G3BP1: variants seen among roughly 807,000 people sequenced by gnomAD.
G3BP1 encodes ras GTPase-activating protein-binding protein 1.
Under a neutral mutation model 58.6 loss-of-function variants are expected in G3BP1, and 35 were observed. The ratio of observed to expected loss-of-function variants is 0.60; its 90% CI spans 0.46 to 0.79. The LOEUF is 0.79. Among genes scored for constraint, G3BP1 ranks in the 30% least tolerant of loss-of-function variants. The pLI is 0.00. For missense variants in G3BP1, 523 were observed against 580.8 expected, an observed-to-expected ratio of 0.90 and a Z score of 1.02; for synonymous variants, 191 against 195.4, an observed-to-expected ratio of 0.98 and a Z score of 0.19.
chr5:151,790,230 CAAA>C (rs372889235), intron 2 of G3BP1, 90 bp from the exon 3 acceptor site: 2,878 of 420,462 alleles, frequency 6.8e-3, no homozygotes, highest in Middle Eastern at 0.01. Flanking sequence ...GACCCCGTTG[CAAA>C]AAAAAAAAAA....
At chr5:151,799,134 C>T in intron 7 of G3BP1, 78 bp from the exon 8 acceptor site, 1 of 768,996 alleles carries the variant, frequency 1.3e-6, no homozygotes, top group Non-Finnish European at 2.4e-6. Context: ...TTGTTCTGTA[C>T]AGGAAATCAA....
chr5:151,811,101 A>G lies in G3BP1; in HGVS notation c.*7010A>G, dbSNP rs937693458. 2 of 152,154 alleles carry G rather than the reference A, an allele frequency of 1.3e-5. No individual in the cohort carries two copies. Among genetic ancestry groups the G allele is most frequent in the African/African-American group, 4.8e-5 (2 of 41,416 alleles). The allele number at this position is 152,154 out of a possible 1,614,324, so 9.4% of individuals were successfully genotyped here. Reference sequence around the variant, plus strand: ...TCTTCAGCTAAGTCCTGTCAGTTCTACCTCAAGTCTTTCCCGTCTTTCTTC... The same window carrying G: ...TCTTCAGCTAAGTCCTGTCAGTTCTGCCTCAAGTCTTTCCCGTCTTTCTTC... On this transcript the variant is annotated 3_prime_UTR_variant, in exon 12 of 12. Transcript: ENST00000356245.
intron 11 of G3BP1, 27 bp from the exon 12 acceptor site, chr5:151,803,858 T>G (rs1762898955): frequency 6.6e-7 from 1 of 1,516,464 alleles, no homozygotes; most frequent in Non-Finnish European, 9.2e-7. Flanking sequence ...TCAGTACTCT[T>G]AAGTCTGGTC....
rs1265382825 is a variant in G3BP1, at chr5:151,811,631, T to C, written c.*7540T>C. 6.6e-6 allele frequency: 1 copy of C among 152,114 alleles called. No homozygotes were observed. The highest frequency in any genetic ancestry group is 1.5e-5 in the Non-Finnish European group (1 of 68,014). 9.4% of individuals were successfully genotyped at this position (152,114 alleles called of 1,614,324 possible). A position where few individuals can be genotyped will look rare whatever the true frequency, so the allele number is the denominator to read the frequency against. On this transcript the variant is annotated 3_prime_UTR_variant, in exon 12 of 12. Coordinates refer to ENST00000356245, the MANE Select transcript of G3BP1 (RefSeq NM_005754.3). Reference sequence around the variant, plus strand: ...ATCTTCAAACTGCAGAAATAGATTTTTTTTTTTTACAAGCCAAAAAATAAC... The same window carrying C: ...ATCTTCAAACTGCAGAAATAGATTTCTTTTTTTTACAAGCCAAAAAATAAC...
intron 1 of G3BP1, among the ~76,000 whole-genome samples, chr5:151,774,585 AT>A (rs199868684): frequency 1.0e-4 from 15 of 148,786 alleles, no homozygotes; most frequent in Admixed American, 1.3e-4. Flanking sequence ...TTGCAAATTG[AT>A]TTTTTTTTTA....
chr5:151,803,668 G>A (rs1762894557), intron 11 of G3BP1, among the ~76,000 whole-genome samples: 1 of 151,906 alleles, frequency 6.6e-6, no homozygotes, highest in Non-Finnish European at 1.5e-5. Flanking sequence ...TAATTTTTGT[G>A]TTTTTTTAGT....
At chr5:151,795,362 C>T in intron 5 of G3BP1, 117 bp from the exon 6 acceptor site, 1 of 626,922 alleles carries the variant, frequency 1.6e-6, no homozygotes, top group Non-Finnish European at 2.8e-6. Context: ...CCAAATTGTC[C>T]TACTTTGTTT....
In G3BP1 at chr5:151,812,510, G is replaced by A. The variant is rs1409450410; in HGVS notation, c.*8419G>A. ...GCATCTTTTGTGCAAGTATCTAAGCGGGCAAAATGGGGAAAACATGAAGGG... is the reference window on the plus strand; with the variant it reads ...GCATCTTTTGTGCAAGTATCTAAGCAGGCAAAATGGGGAAAACATGAAGGG... On this transcript the variant is annotated 3_prime_UTR_variant, in exon 12 of 12. Coordinates refer to ENST00000356245, the MANE Select transcript of G3BP1 (RefSeq NM_005754.3). The A allele has an allele frequency of 2.0e-5, 3 of 152,278 alleles. No homozygotes were observed. The highest frequency in any genetic ancestry group is 6.5e-5 in the Admixed American group (1 of 15,298). 9.4% of individuals were successfully genotyped at this position (152,278 alleles called of 1,614,324 possible). A position where few individuals can be genotyped will look rare whatever the true frequency, so the allele number is the denominator to read the frequency against.
intron 1 of G3BP1, among the ~76,000 whole-genome samples, chr5:151,776,189 C>T (rs1392924646): frequency 1.3e-5 from 2 of 152,150 alleles, no homozygotes; most frequent in Non-Finnish European, 1.5e-5. Context: ...AAGGATTAGA[C>T]TGAAGTTACA....
rs1763009443 is a variant in G3BP1 at position 151,810,948 on chromosome 5, C to T, written c.*6857C>T. The T allele has an allele frequency of 6.6e-6, 1 of 152,190 alleles. No homozygotes were observed. Among genetic ancestry groups the T allele is most frequent in the South Asian group, 2.1e-4 (1 of 4,832 alleles). The allele number at this position is 152,190 out of a possible 1,614,324, so 9.4% of individuals were successfully genotyped here. ...CTAGTATATCCCAGACAGTTTGTTT[C>T]TATGCAGAAGAATTTTATATGAAAT... On this transcript the variant is annotated 3_prime_UTR_variant, in exon 12 of 12. Coordinates refer to ENST00000356245, the MANE Select transcript of G3BP1 (RefSeq NM_005754.3).
intron 3 of G3BP1, 32 bp from the exon 4 acceptor site, chr5:151,790,857 T>G: frequency 7.8e-7 from 1 of 1,283,374 alleles, no homozygotes; most frequent in Non-Finnish European, 1.1e-6. Flanking sequence ...GCATTCTCAG[T>G]TGATTATTAT....
chr5:151,792,159 A>G (rs1561534778), intron 4 of G3BP1: 1 of 456,064 alleles, frequency 2.2e-6, no homozygotes, highest in Non-Finnish European at 4.4e-6. Flanking sequence ...ATGTTGAATG[A>G]TTGCATTTGT....
Position 151,794,150 on chromosome 5 carries a change from G to T in G3BP1, c.352-9G>T. On this transcript the variant is annotated splice_polypyrimidine_tract_variant and intron_variant, in intron 4 of 11. Transcript: ENST00000356245. ...TTGAATAAATTAAAACTTTCTGTTG[G>T]CATTGCAGGGGTCTGTTGCAAATAA... 1 of 1,534,106 alleles carries T rather than the reference G, an allele frequency of 6.5e-7. No homozygotes were observed. Among genetic ancestry groups the T allele is most frequent in the Non-Finnish European group, 9.0e-7 (1 of 1,108,186 alleles).
Position 151,806,709 on chromosome 5 carries a change from T to C in G3BP1, c.*2618T>C, listed in dbSNP as rs1762943039. On this transcript the variant is annotated 3_prime_UTR_variant, in exon 12 of 12. Coordinates refer to ENST00000356245, the MANE Select transcript of G3BP1 (RefSeq NM_005754.3). ...CTCATCACATTGAACATTTTCAGATTTTAAAATGAAAATTTTCATCCGTAG... is the reference window on the plus strand; with the variant it reads ...CTCATCACATTGAACATTTTCAGATCTTAAAATGAAAATTTTCATCCGTAG... 1 of 152,222 alleles carries C rather than the reference T, an allele frequency of 6.6e-6. No individual in the cohort carries two copies. Among genetic ancestry groups the C allele is most frequent in the African/African-American group, 2.4e-5 (1 of 41,464 alleles). The allele number at this position is 152,222 out of a possible 1,614,324, so 9.4% of individuals were successfully genotyped here.
At chr5:151,786,455 GCT>G in intron 1 of G3BP1, 115 bp from the exon 2 acceptor site, 3 of 621,582 alleles carry the variant, frequency 4.8e-6, no homozygotes, top group Non-Finnish European at 8.8e-6. Context: ...GTCTGTATGG[GCT>G]CTGTTTGTTT....
chr5:151,788,572 A>ATGTGTGTGTGTGTGTGTG lies in G3BP1; in HGVS notation c.96-1727_96-1710dup, dbSNP rs10634385. ...CACTACCATGCCCAGCTAAGTTTAT[A>ATGTGTGTGTGTGTGTGTG]TGTGTGTGTGTGTGTGTGTGTGTGT... On this transcript the variant is annotated intron_variant, in intron 2 of 11. Coordinates refer to ENST00000356245, the MANE Select transcript of G3BP1 (RefSeq NM_005754.3). Among the ~76,000 whole-genome samples the ATGTGTGTGTGTGTGTGTG allele has an allele frequency of 1.1e-3, 141 of 133,322 alleles. 2 individuals carry two copies. The highest frequency in any genetic ancestry group is 3.1e-3 in the African/African-American group (103 of 33,698). 87.5% of individuals were successfully genotyped at this position (133,322 alleles called of 152,430 possible). A position where few individuals can be genotyped will look rare whatever the true frequency, so the allele number is the denominator to read the frequency against.
intron 11 of G3BP1, among the ~76,000 whole-genome samples, chr5:151,802,987 G>A (rs1762879418): frequency 6.6e-6 from 1 of 152,086 alleles, no homozygotes; most frequent in African/African-American, 2.4e-5. Flanking sequence ...CACATAGTAA[G>A]TACTCTTAGA....
chr5:151,773,887 G>A (rs747403928), intron 1 of G3BP1, among the ~76,000 whole-genome samples: 14 of 152,236 alleles, frequency 9.2e-5, no homozygotes, highest in Non-Finnish European at 1.6e-4. Flanking sequence ...TTTTATTACT[G>A]CTTGAGGCAA....
chr5:151,799,837 A>G, intron 8 of G3BP1, 52 bp from the exon 9 acceptor site: 1 of 1,033,038 alleles, frequency 9.7e-7, no homozygotes, highest in Non-Finnish European at 1.5e-6. Context: ...TCATTAAGAA[A>G]AAGGATAAGC....
Sources: allele counts gnomAD v4.1 joint callset (sites outside exome capture counted in the v4.1 genomes callset), GRCh38; gene constraint gnomAD v4.1.1; transcripts MANE v1.5; gene names NCBI Gene and HGNC (gene_info 2026-07-23, HGNC 2026-07-21).